Variants in MS4A7 observed in about 807,000 individuals in gnomAD.
The protein encoded by MS4A7 is membrane-spanning 4-domains subfamily A member 7.
In MS4A7, 21 loss-of-function variants were observed where a neutral mutation model predicts 23.5. That is an observed-to-expected ratio of 0.89 (90% CI 0.63 to 1.29). The LOEUF (loss-of-function observed/expected upper bound fraction) is 1.29. Among genes scored for constraint, MS4A7 ranks in the 50% most tolerant of loss-of-function variants. The pLI, the probability that MS4A7 is intolerant of heterozygous loss-of-function variation, is 0.00. For missense variants in MS4A7, 263 were observed against 274.2 expected (o/e 0.96, Z 0.29); for synonymous variants, 111 against 107.4 (o/e 1.03, Z -0.21).
chr11:60,393,592 T>C (rs2085577559), intron 6 of MS4A7, among the ~76,000 whole-genome samples, 195 bp from the exon 7 acceptor site: 2 of 152,238 alleles, frequency 1.3e-5, no homozygotes, highest in South Asian at 4.1e-4. Context: ...TTAACTATGA[T>C]CCTATTTAAA....
intron 1 of MS4A7, 51 bp downstream of exon 1, chr11:60,378,715 GAA>G (rs1239183201): frequency 6.6e-6 from 1 of 152,242 alleles, no homozygotes; most frequent in Non-Finnish European, 1.5e-5. Flanking sequence ...GTGTGCTTTT[GAA>G]AAGACAGCCA....
At chr11:60,389,939 G>T in intron 5 of MS4A7, 1 of 248,032 alleles carries the variant, frequency 4.0e-6, no homozygotes, top group African/African-American at 2.2e-5. Context: ...CTCATCACAG[G>T]CAGAAATATT....
chr11:60,385,030 A>T, intron 2 of MS4A7, 58 bp from the exon 3 acceptor site: 3 of 1,511,680 alleles, frequency 2.0e-6, no homozygotes, highest in Non-Finnish European at 2.8e-6. Flanking sequence ...TGTGCATTCA[A>T]ATAATCACTT....
chr11:60,389,693 C>T (rs2233253), intron 5 of MS4A7, 97 bp downstream of exon 5: 765,565 of 1,198,224 alleles, frequency 0.64, 244,912 homozygotes, highest in Middle Eastern at 0.75. Context: ...TTGGTCGGTC[C>T]GAATGCCTGG....
chr11:60,393,400 C>A (rs1442216424), intron 6 of MS4A7, among the ~76,000 whole-genome samples: 1 of 152,184 alleles, frequency 6.6e-6, no homozygotes, highest in Non-Finnish European at 1.5e-5. Flanking sequence ...GAGAGTCTCC[C>A]TAGCCAAGTT....
chr11:60,392,503 C>T (rs1244468834), intron 5 of MS4A7, among the ~76,000 whole-genome samples, 182 bp from the exon 6 acceptor site: 1 of 152,114 alleles, frequency 6.6e-6, no homozygotes, highest in African/African-American at 2.4e-5. Flanking sequence ...GAGATGATGC[C>T]GTTGCTGCTT....
At chr11:60,382,118 A>G (rs1235537908) in intron 1 of MS4A7, among the ~76,000 whole-genome samples, 4 of 152,220 alleles carry the variant, frequency 2.6e-5, no homozygotes, top group Non-Finnish European at 5.9e-5. Context: ...AATCTGGGCA[A>G]CATTTCAGGT....
At chr11:60,392,647 T>C in intron 5 of MS4A7, 38 bp from the exon 6 acceptor site, 1 of 1,541,586 alleles carries the variant, frequency 6.5e-7, no homozygotes, top group Non-Finnish European at 9.0e-7. Context: ...AAGGGCTAGC[T>C]TGTCTTGGGT....
In MS4A7 at chr11:60,395,269, C is replaced by T; in HGVS notation, c.*1408C>T. On this transcript the variant is annotated 3_prime_UTR_variant, in exon 7 of 7. Transcript: ENST00000300184. ...GGCAATTATGGAAATTCCAGTGTGGCTGCAGTTTAACTTTGCACTCTCTAT... is the reference window on the plus strand; with the variant it reads ...GGCAATTATGGAAATTCCAGTGTGGTTGCAGTTTAACTTTGCACTCTCTAT... 4.3e-6 allele frequency: 1 copy of T among 231,068 alleles called. No homozygotes were observed. The highest frequency in any genetic ancestry group is 8.3e-6 in the Non-Finnish European group (1 of 120,462). 14.3% of individuals were successfully genotyped at this position (231,068 alleles called of 1,614,324 possible).
At chr11:60,384,148 A>G (rs867521350) in intron 2 of MS4A7, among the ~76,000 whole-genome samples, 1 of 152,276 alleles carries the variant, frequency 6.6e-6, no homozygotes. Flanking sequence ...TTTCTTTACA[A>G]TCTATTCTTA....
At position 60,380,039 on chromosome 11, in the gene MS4A7, T is replaced by C. The variant is rs190591208; in HGVS notation, c.-14+1375T>C. On this transcript the variant is annotated intron_variant, in intron 1 of 6. Coordinates refer to ENST00000300184, the MANE Select transcript of MS4A7 (RefSeq NM_021201.5). The stretch of plus-strand genomic sequence containing the variant: ...AGTGAATTTGACTCTTCTAGGTGCC[T>C]CACATAAGTAGAATCATACAATATT... Among the ~76,000 whole-genome samples the C allele has an allele frequency of 7.7e-4, 117 of 152,364 alleles. 6 individuals carry two copies. In the East Asian group the frequency reaches 0.019, roughly 25 times the overall value.
At chr11:60,389,005 G>A in intron 4 of MS4A7, 1 of 167,624 alleles carries the variant, frequency 6.0e-6, no homozygotes, top group Non-Finnish European at 1.3e-5. Context: ...TTTACCAGAG[G>A]GGACCGAAGT....
chr11:60,395,266 T>G lies in MS4A7; in HGVS notation c.*1405T>G. The G allele has an allele frequency of 4.3e-6, 1 of 234,392 alleles. No individual in the cohort carries two copies. Among genetic ancestry groups the G allele is most frequent in the East Asian group, 7.9e-5 (1 of 12,586 alleles). The allele number at this position is 234,392 out of a possible 1,614,324, so 14.5% of individuals were successfully genotyped here. A position where few individuals can be genotyped will look rare whatever the true frequency, so the allele number is the denominator to read the frequency against. ...TTGGGCAATTATGGAAATTCCAGTGTGGCTGCAGTTTAACTTTGCACTCTC... is the reference window on the plus strand; with the variant it reads ...TTGGGCAATTATGGAAATTCCAGTGGGGCTGCAGTTTAACTTTGCACTCTC... On this transcript the variant is annotated 3_prime_UTR_variant, in exon 7 of 7. Transcript: ENST00000300184.
At chr11:60,384,371 T>C (rs2085461918) in intron 2 of MS4A7, among the ~76,000 whole-genome samples, 1 of 152,222 alleles carries the variant, frequency 6.6e-6, no homozygotes, top group East Asian at 1.9e-4. Flanking sequence ...CTGCCTTGCA[T>C]GGAACTTGTC....
chr11:60,389,562 T>A lies in MS4A7; in HGVS notation c.512T>A (p.Ile171Asn), dbSNP rs149792545. The change falls in exon 5 of 7, where the codon ATC becomes AAC. Residue 171 changes from isoleucine (I) to asparagine (N), a missense_variant. Physicochemically the swap from Ile to Asn is moderately radical, Grantham distance 149. Coordinates refer to ENST00000300184, the MANE Select transcript of MS4A7 (RefSeq NM_021201.5). ...YSEYYYPIYEIKDCLLTSVSL... is the reference protein window; with the variant it reads ...YSEYYYPIYENKDCLLTSVSL... ...GAGTACTATTATCCAATATATGAAA[T>A]CAAAGATTGTCTCCTGACCAGTGTC... The A allele has an allele frequency of 6.2e-7, 1 of 1,613,998 alleles. No homozygotes were observed. The highest frequency in any genetic ancestry group is 1.1e-5 in the South Asian group (1 of 91,076).
rs2085595256 is a variant in MS4A7, at chr11:60,394,796, C to T, written c.*935C>T. 1 of 309,480 alleles carries T rather than the reference C, an allele frequency of 3.2e-6. No individual in the cohort carries two copies. Among genetic ancestry groups the T allele is most frequent in the African/African-American group, 2.2e-5 (1 of 45,744 alleles). 19.2% of individuals were successfully genotyped at this position (309,480 alleles called of 1,614,324 possible). On this transcript the variant is annotated 3_prime_UTR_variant, in exon 7 of 7. Transcript: ENST00000300184. ...CAGCCCGGCCTACAAGAACAAAACTCCATCTCAAAATAAATAAAAAAATAA... is the reference window on the plus strand; with the variant it reads ...CAGCCCGGCCTACAAGAACAAAACTTCATCTCAAAATAAATAAAAAAATAA...
chr11:60,386,863 T>G, intron 4 of MS4A7, 90 bp downstream of exon 4: 5 of 1,155,202 alleles, frequency 4.3e-6, no homozygotes, highest in South Asian at 1.5e-5. Context: ...TATTTTACAA[T>G]TTAGAGAGAA....
rs1209636902 is a variant in MS4A7 at position 60,385,137 on chromosome 11, TG to T, written c.199del (p.Val67PhefsTer17). ...TTGATTTCAAGTCTGGGGGCCATCT[TG>T]GTTTTTGCTCCCTACCCCTCCCACT... ...CLLISSLGAI[L>X]VFAPYPSHFN... On this transcript the variant is annotated frameshift_variant, in exon 3 of 7. Transcript: ENST00000300184. LOFTEE classifies it high-confidence loss of function. 6.2e-7 allele frequency: 1 copy of T among 1,614,140 alleles called. No homozygotes were observed. Among genetic ancestry groups the T allele is most frequent in the Non-Finnish European group, 8.5e-7 (1 of 1,179,968 alleles).
intron 1 of MS4A7, among the ~76,000 whole-genome samples, chr11:60,379,526 T>TTTTG (rs201131327): frequency 1.6e-3 from 227 of 138,808 alleles, no homozygotes; most frequent in Non-Finnish European, 3.1e-3. Flanking sequence ...TTTTGTTGTT[T>TTTTG]TTTGTTTGTT....
Sources: gnomAD v4.1 joint callset for allele counts (sites outside exome capture counted in the v4.1 genomes callset) on GRCh38, gnomAD v4.1.1 for gene constraint, MANE v1.5 for transcripts, NCBI Gene and HGNC (gene_info 2026-07-23, HGNC 2026-07-21) for gene names.